The following TMEM163 variants were observed in gnomAD, a reference collection of about 807,000 sequenced individuals.
The protein encoded by TMEM163 is transmembrane protein 163.
A neutral mutation model predicts 29.3 loss-of-function variants in TMEM163; 17 were observed. The ratio of observed to expected loss-of-function variants is 0.58; its 90% CI spans 0.40 to 0.87. TMEM163 has a LOEUF of 0.87. Ranked by LOEUF, TMEM163 falls within the 40% of genes least tolerant of loss-of-function variation. The pLI, the probability that TMEM163 is intolerant of heterozygous loss-of-function variation, is 0.00. For synonymous variants in TMEM163, 157 were observed against 160.6 expected (o/e 0.98, Z 0.17); for missense variants, 303 against 381.5 (o/e 0.79, Z 1.71).
intron 2 of TMEM163, among the ~76,000 whole-genome samples, chr2:134,555,760 C>T (rs180873861): frequency 2.6e-5 from 4 of 152,280 alleles, no homozygotes; most frequent in East Asian, 3.9e-4. Context: ...CACAGAGTCC[C>T]TAAAATGTTC....
intron 5 of TMEM163, among the ~76,000 whole-genome samples, chr2:134,476,146 T>C (rs1686907746): frequency 6.6e-6 from 1 of 152,174 alleles, no homozygotes; most frequent in African/African-American, 2.4e-5. Context: ...CAGCAATAAA[T>C]AAGAATGAAC....
At chr2:134,489,854 T>C (rs1679392082) in intron 5 of TMEM163, among the ~76,000 whole-genome samples, 1 of 151,950 alleles carries the variant, frequency 6.6e-6, no homozygotes, top group Non-Finnish European at 1.5e-5. Context: ...TCCAAAGGGG[T>C]GTAAAAATGT....
intron 4 of TMEM163, among the ~76,000 whole-genome samples, chr2:134,535,717 G>GTTTTTTTTT (rs59227102): frequency 7.0e-6 from 1 of 142,482 alleles, no homozygotes; most frequent in African/African-American, 2.7e-5. Context: ...TATTTGTATG[G>GTTTTTTTTT]TTTTTTTTTT....
At chr2:134,463,082 C>A (rs933874747) in intron 6 of TMEM163, among the ~76,000 whole-genome samples, 4 of 152,242 alleles carry the variant, frequency 2.6e-5, no homozygotes, top group African/African-American at 9.6e-5. Context: ...CTGCCTACCC[C>A]AAGGGCTCCT....
Position 134,508,236 on chromosome 2 carries a change from C to T in TMEM163, c.459-5239G>A, listed in dbSNP as rs147614747. Among the ~76,000 whole-genome samples the T allele has an allele frequency of 1.9e-3, 290 of 152,284 alleles. 2 individuals are homozygous for T. The highest frequency in any genetic ancestry group is 0.016 in the Admixed American group (251 of 15,294). On this transcript the variant is annotated intron_variant, in intron 4 of 7. Coordinates refer to ENST00000281924, the MANE Select transcript of TMEM163 (RefSeq NM_030923.5). ...AAAGAGCCAAACAAGAGAAGCTTCT[C>T]CAATCACCCTCTAATTTACGATAGA...
intron 4 of TMEM163, among the ~76,000 whole-genome samples, chr2:134,507,336 CTAAATAAATAAA>C (rs111595849): frequency 0.13 from 18,655 of 148,868 alleles, 1,304 homozygotes; most frequent in South Asian, 0.19. Context: ...AACTCTACCT[CTAAATAAATAAA>C]TAAATAAATA....
At chr2:134,527,683 C>T (rs992877936) in intron 4 of TMEM163, among the ~76,000 whole-genome samples, 8 of 152,206 alleles carry the variant, frequency 5.3e-5, no homozygotes, top group Non-Finnish European at 7.3e-5. Context: ...GGAATCATTC[C>T]GGTCCTGGCT....
At chr2:134,552,406 A>C (rs1680951219) in intron 2 of TMEM163, among the ~76,000 whole-genome samples, 3 of 152,166 alleles carry the variant, frequency 2.0e-5, no homozygotes, top group Admixed American at 1.3e-4. Flanking sequence ...TGGGAACTAT[A>C]TCAAACTTTC....
At chr2:134,704,983 G>A (rs943879103) in intron 2 of TMEM163, among the ~76,000 whole-genome samples, 4 of 152,022 alleles carry the variant, frequency 2.6e-5, no homozygotes, top group Non-Finnish European at 5.9e-5. Flanking sequence ...CTGAGTGGGG[G>A]CAGATCACCT....
At chr2:134,707,393 C>T (rs757827714) in intron 2 of TMEM163, among the ~76,000 whole-genome samples, 3 of 152,172 alleles carry the variant, frequency 2.0e-5, no homozygotes, top group African/African-American at 7.2e-5. Context: ...ACAAAGGCTG[C>T]CAGCGGAAGA....
chr2:134,587,902 C>T (rs1393653230), intron 2 of TMEM163, among the ~76,000 whole-genome samples: 6 of 152,236 alleles, frequency 3.9e-5, no homozygotes, highest in African/African-American at 1.4e-4. Flanking sequence ...CTTCACAGTG[C>T]TCCCTGTTGT....
chr2:134,499,214 A>C (rs1679648479), intron 5 of TMEM163, among the ~76,000 whole-genome samples: 1 of 152,248 alleles, frequency 6.6e-6, no homozygotes, highest in Admixed American at 6.5e-5. Context: ...GCAGTCGGGG[A>C]GGCAGAGGGT....
chr2:134,541,142 G>T (rs613828), intron 4 of TMEM163, among the ~76,000 whole-genome samples: 93,511 of 152,096 alleles, frequency 0.61, 29,600 homozygotes, highest in East Asian at 0.84. Context: ...AGTTGCCTAG[G>T]TTCCACAGTC....
intron 2 of TMEM163, among the ~76,000 whole-genome samples, chr2:134,678,115 C>T (rs1030780994): frequency 2.0e-5 from 3 of 152,210 alleles, no homozygotes; most frequent in African/African-American, 4.8e-5. Context: ...TGCTCCAGAA[C>T]GTCCATTTTC....
At chr2:134,583,806 C>G (rs942665909) in intron 2 of TMEM163, among the ~76,000 whole-genome samples, 3 of 152,152 alleles carry the variant, frequency 2.0e-5, no homozygotes. Context: ...AGGCCCATGG[C>G]TTGCTCTCTG....
chr2:134,561,941 C>G (rs1681192896), intron 2 of TMEM163, among the ~76,000 whole-genome samples: 1 of 152,190 alleles, frequency 6.6e-6, no homozygotes, highest in Admixed American at 6.5e-5. Context: ...CATTTTAAAG[C>G]CTTATGTTTC....
At chr2:134,509,045 G>T (rs377180687) in intron 4 of TMEM163, among the ~76,000 whole-genome samples, 2 of 152,134 alleles carry the variant, frequency 1.3e-5, no homozygotes, top group African/African-American at 4.8e-5. Flanking sequence ...CACTTAGATA[G>T]GACTTTATTT....
intron 5 of TMEM163, among the ~76,000 whole-genome samples, chr2:134,484,603 A>G (rs995297636): frequency 2.0e-5 from 3 of 152,236 alleles, no homozygotes; most frequent in African/African-American, 7.2e-5. Flanking sequence ...ACTGACGTAT[A>G]TATCCATGTA....
At chr2:134,563,029 T>C (rs1379171723) in intron 2 of TMEM163, among the ~76,000 whole-genome samples, 1 of 152,200 alleles carries the variant, frequency 6.6e-6, no homozygotes, top group East Asian at 1.9e-4. Context: ...CAAACGATTG[T>C]CCCTTATATG....
Sources: gnomAD v4.1 joint callset for allele counts (sites outside exome capture counted in the v4.1 genomes callset) on GRCh38, gnomAD v4.1.1 for gene constraint, MANE v1.5 for transcripts, NCBI Gene and HGNC (gene_info 2026-07-23, HGNC 2026-07-21) for gene names.